The following ANAPC4 variants were observed in gnomAD, a reference collection of about 807,000 sequenced individuals.
The protein encoded by ANAPC4 is anaphase promoting complex subunit 4.
In ANAPC4, 63 loss-of-function variants were observed where a neutral mutation model predicts 119.8. The ratio of observed to expected loss-of-function variants is 0.53; its 90% CI spans 0.43 to 0.65. The LOEUF is 0.65. ANAPC4 is among the 30% of genes least tolerant of loss of function. The pLI is 0.00. For synonymous variants in ANAPC4, 283 were observed against 318.6 expected (o/e 0.89, Z 1.19); for missense variants, 716 against 945.1 (o/e 0.76, Z 3.18).
At chr4:25,410,238 G>A (rs1167530790) in intron 21 of ANAPC4, among the ~76,000 whole-genome samples, 2 of 152,110 alleles carry the variant, frequency 1.3e-5, no homozygotes, top group South Asian at 4.1e-4. Context: ...ATGTCAGAAT[G>A]TTAATACCGT....
At chr4:25,416,097 C>T (rs1254613194) in intron 26 of ANAPC4, 1 of 191,658 alleles carries the variant, frequency 5.2e-6, no homozygotes, top group African/African-American at 2.3e-5. Context: ...GTCAACTCTG[C>T]TGAATGTGTA....
intron 3 of ANAPC4, among the ~76,000 whole-genome samples, chr4:25,381,334 G>A (rs1171811528): frequency 6.6e-6 from 1 of 151,790 alleles, no homozygotes; most frequent in Non-Finnish European, 1.5e-5. Context: ...TGTCGCCCAG[G>A]CTGGAGTGCA....
intron 25 of ANAPC4, 100 bp from the exon 26 acceptor site, chr4:25,415,366 C>A: frequency 2.3e-6 from 2 of 871,924 alleles, no homozygotes; most frequent in Non-Finnish European, 3.6e-6. Flanking sequence ...TAAAGAAGTA[C>A]ATGTACTGAC....
Position 25,416,425 on chromosome 4 carries a change from C to G in ANAPC4, c.1902C>G (p.Ser634Arg). 1 of 1,511,018 alleles carries G rather than the reference C, an allele frequency of 6.6e-7. No homozygotes were observed. Among genetic ancestry groups the G allele is most frequent in the East Asian group, 2.3e-5 (1 of 43,230 alleles). The allele number at this position is 1,511,018 out of a possible 1,614,324, so 93.6% of individuals were successfully genotyped here. The change falls in exon 27 of 29, where the codon AGC becomes AGG. Residue 634 changes from serine to arginine, a missense_variant and splice_region_variant. Transcript: ENST00000315368. ...TYATTEKVRR[S>R]IYSCLDAQFY... ...ATAACAAAACTTATTTTAATTCTAGCATCTACAGTTGTTTAGATGCACAGT... is the reference window on the plus strand; with the variant it reads ...ATAACAAAACTTATTTTAATTCTAGGATCTACAGTTGTTTAGATGCACAGT...
chr4:25,377,488 CAGG>C lies in ANAPC4; in HGVS notation c.64_66del (p.Glu22del). The C allele has an allele frequency of 1.9e-6, 3 of 1,614,092 alleles. No individual in the cohort carries two copies. The highest frequency in any genetic ancestry group is 2.2e-5 in the East Asian group (1 of 44,868). On this transcript the variant is annotated inframe_deletion, in exon 2 of 29. Transcript: ENST00000315368. ...GGTGGTGGGAGAGAAGCAGCTCCCGCAGGAGATTATTTTCCTGGTCTGGTCGCC... is the reference window on the plus strand; with the variant it reads ...GGTGGTGGGAGAGAAGCAGCTCCCGCAGATTATTTTCCTGGTCTGGTCGCC...
chr4:25,381,318 C>T (rs1196533342), intron 3 of ANAPC4, among the ~76,000 whole-genome samples: 2 of 152,120 alleles, frequency 1.3e-5, no homozygotes, highest in Non-Finnish European at 2.9e-5. Flanking sequence ...GACAGTGTCT[C>T]ACTCTTGTCG....
intron 18 of ANAPC4, among the ~76,000 whole-genome samples, chr4:25,406,536 A>T (rs372828829): frequency 6.6e-6 from 1 of 152,202 alleles, no homozygotes; most frequent in Admixed American, 6.5e-5. Context: ...ACCTCAGCAC[A>T]TGTGGTCTTA....
Position 25,414,336 on chromosome 4 carries a change from A to T in ANAPC4, c.1636A>T (p.Lys546Ter). Residue 546 changes from lysine (K) to a stop codon, truncating the protein, a stop_gained, in exon 23 of 29, where the codon AAA (lysine) becomes TAA (stop). Transcript: ENST00000315368. LOFTEE classifies it high-confidence loss of function. The part of the protein sequence containing the change: ...CLQKPADVIG[K>*]SMNQAICIPL... ...TTATTTTATATAGGATGTAATTGGA[A>T]AATCGATGAATCAAGCAATCTGTAT... 3 of 1,588,920 alleles carry T rather than the reference A, an allele frequency of 1.9e-6. No individual in the cohort carries two copies. The highest frequency in any genetic ancestry group is 2.6e-6 in the Non-Finnish European group (3 of 1,161,716).
At chr4:25,409,187 TGAA>T (rs376383587) in intron 20 of ANAPC4, among the ~76,000 whole-genome samples, 47 of 152,322 alleles carry the variant, frequency 3.1e-4, no homozygotes, top group African/African-American at 1.1e-3. Context: ...GGATCTCACT[TGAA>T]GAACAACTGC....
intron 21 of ANAPC4, 78 bp from the exon 22 acceptor site, chr4:25,413,567 A>C: frequency 9.1e-7 from 1 of 1,099,520 alleles, no homozygotes; most frequent in South Asian, 1.4e-5. Flanking sequence ...GACTGGCTCT[A>C]ACAGTAGATT....
intron 16 of ANAPC4, among the ~76,000 whole-genome samples, chr4:25,398,811 A>G (rs1288337752): frequency 1.3e-5 from 2 of 152,084 alleles, no homozygotes; most frequent in Admixed American, 6.6e-5. Flanking sequence ...CTCAATGCTT[A>G]TCTGTAGATG....
intron 17 of ANAPC4, among the ~76,000 whole-genome samples, chr4:25,404,474 T>C (rs1206181774): frequency 2.0e-5 from 3 of 152,144 alleles, no homozygotes; most frequent in Admixed American, 2.0e-4. Context: ...AGAATCAGGA[T>C]TGTCCTTACT....
intron 11 of ANAPC4, 94 bp from the exon 12 acceptor site, chr4:25,394,216 C>T: frequency 9.8e-7 from 1 of 1,020,638 alleles, no homozygotes; most frequent in Non-Finnish European, 1.4e-6. Flanking sequence ...AAGTCTAAGG[C>T]AAGGAAAGGG....
In ANAPC4 at chr4:25,417,598, GT is replaced by G. The variant is rs767399380; in HGVS notation, c.2076-11del. 6 of 1,567,842 alleles carry G rather than the reference GT, an allele frequency of 3.8e-6. No homozygotes were observed. The highest frequency in any genetic ancestry group is 1.4e-5 in the African/African-American group (1 of 72,806). ...AGATCCCCTTTTCATTCCTGAGTTG[GT>G]TTTTTTCCCTCTTTAGGCTAGATGA... is the stretch of plus-strand genomic sequence containing the variant. On this transcript the variant is annotated splice_polypyrimidine_tract_variant and intron_variant, in intron 27 of 28. Coordinates refer to ENST00000315368, the MANE Select transcript of ANAPC4 (RefSeq NM_013367.3).
chr4:25,405,711 GTT>G lies in ANAPC4; in HGVS notation c.1317+93_1317+94del. ...TTTTGGTACTCTTATTCAGTTATTAGTTAACAGGATGTCAGGATGTAGACGTT... is the reference window on the plus strand; with the variant it reads ...TTTTGGTACTCTTATTCAGTTATTAGAACAGGATGTCAGGATGTAGACGTT... On this transcript the variant is annotated intron_variant, in intron 18 of 28. Transcript: ENST00000315368. This position sits in a 1 kb window ranked among gnomAD's most constrained non-coding sequence, Gnocchi z 4.6. The G allele has an allele frequency of 8.1e-7, 1 of 1,235,380 alleles. No individual in the cohort carries two copies. Among genetic ancestry groups the G allele is most frequent in the South Asian group, 1.3e-5 (1 of 74,714 alleles). The allele number at this position is 1,235,380 out of a possible 1,614,324, so 76.5% of individuals were successfully genotyped here. A position where few individuals can be genotyped will look rare whatever the true frequency, so the allele number is the denominator to read the frequency against.
intron 20 of ANAPC4, among the ~76,000 whole-genome samples, chr4:25,407,831 G>A (rs1475133963): frequency 2.0e-5 from 3 of 152,092 alleles, no homozygotes; most frequent in African/African-American, 7.2e-5. Context: ...GGAGGTGGAG[G>A]TTGCAGTGAG....
chr4:25,393,119 A>G (rs772804736), intron 10 of ANAPC4, among the ~76,000 whole-genome samples: 2 of 152,208 alleles, frequency 1.3e-5, no homozygotes, highest in Non-Finnish European at 2.9e-5. Context: ...ATTCTACCAC[A>G]GTCATTAATT....
chr4:25,412,497 C>T (rs1723627650), intron 21 of ANAPC4, among the ~76,000 whole-genome samples: 1 of 152,022 alleles, frequency 6.6e-6, no homozygotes, highest in South Asian at 2.1e-4. Flanking sequence ...CTCATTAAAA[C>T]AAAAGATGGT....
intron 22 of ANAPC4, 95 bp downstream of exon 22, chr4:25,413,837 C>T (rs1560448748): frequency 4.0e-6 from 4 of 992,608 alleles, no homozygotes; most frequent in Non-Finnish European, 6.0e-6. Flanking sequence ...TTAGAATGAA[C>T]TATGAAAATG....
Sources: gnomAD v4.1 joint callset for allele counts (sites outside exome capture counted in the v4.1 genomes callset) on GRCh38, gnomAD v4.1.1 for gene constraint, Gnocchi (gnomAD v3.1) non-coding constraint, MANE v1.5 for transcripts, NCBI Gene and HGNC (gene_info 2026-07-23, HGNC 2026-07-21) for gene names.